ZNF804B: variants seen among roughly 807,000 people sequenced by gnomAD.
The protein encoded by ZNF804B is zinc finger protein 804B.
In ZNF804B, 80 loss-of-function variants were observed where a neutral mutation model predicts 101.4. The observed-to-expected ratio is 0.79, with a 90% CI of 0.66 to 0.95. The LOEUF (loss-of-function observed/expected upper bound fraction) is 0.95, where lower values mean the gene tolerates loss of function less well. Among genes scored for constraint, ZNF804B ranks in the 40% least tolerant of loss-of-function variants. ZNF804B has a pLI of 0.00. For synonymous variants in ZNF804B, 622 were observed against 558.8 expected, an observed-to-expected ratio of 1.11 and a Z score of -1.59; for missense variants, 1,673 against 1,561.9, an observed-to-expected ratio of 1.07 and a Z score of -1.20.
chr7:88,878,705 G>T (rs577266226), intron 1 of ZNF804B, among the ~76,000 whole-genome samples: 4 of 152,100 alleles, frequency 2.6e-5, no homozygotes, highest in Non-Finnish European at 5.9e-5. Flanking sequence ...GTACTTTTAT[G>T]CTGAAGGCTG....
rs190891830 is a variant in ZNF804B, at chr7:89,002,579, T to G, written c.109-215576T>G. ...TTATGTTATGAAAGGTGGCATTCTT[T>G]TTTATAACTACTAGAGAAGGGGGTG... On this transcript the variant is annotated intron_variant, in intron 1 of 3. Coordinates refer to ENST00000333190, the MANE Select transcript of ZNF804B (RefSeq NM_181646.5). Among the ~76,000 whole-genome samples, 398 of 152,006 alleles carry G rather than the reference T, an allele frequency of 2.6e-3. 1 individual carries two copies. Among genetic ancestry groups the G allele is most frequent in the African/African-American group, 9.2e-3 (381 of 41,544 alleles).
intron 1 of ZNF804B, among the ~76,000 whole-genome samples, chr7:88,908,079 A>T (rs1792498452): frequency 6.6e-6 from 1 of 151,802 alleles, no homozygotes; most frequent in Non-Finnish European, 1.5e-5. Flanking sequence ...GGTGAAAAAG[A>T]TATATTAGAC....
intron 1 of ZNF804B, among the ~76,000 whole-genome samples, chr7:89,204,659 A>T (rs1208588661): frequency 6.6e-6 from 1 of 152,180 alleles, no homozygotes; most frequent in Non-Finnish European, 1.5e-5. Flanking sequence ...GTTATTCTGC[A>T]TGCCTGCAGT....
chr7:88,910,787 G>T (rs959275221), intron 1 of ZNF804B, among the ~76,000 whole-genome samples: 3 of 151,856 alleles, frequency 2.0e-5, no homozygotes, highest in African/African-American at 7.2e-5. Flanking sequence ...AATCGTAAGG[G>T]AAGATGTTCT....
At chr7:88,822,977 G>A (rs1347004942) in intron 1 of ZNF804B, among the ~76,000 whole-genome samples, 2 of 152,136 alleles carry the variant, frequency 1.3e-5, no homozygotes, top group African/African-American at 4.8e-5. Context: ...TTGGGAGGCT[G>A]AGGCGGGTGT....
chr7:89,185,753 G>T (rs1004304207), intron 1 of ZNF804B, among the ~76,000 whole-genome samples: 3 of 151,982 alleles, frequency 2.0e-5, no homozygotes, highest in Non-Finnish European at 4.4e-5. Flanking sequence ...CCAGCTACTT[G>T]GGAAGCTGAA....
chr7:88,879,149 A>C (rs1242066358), intron 1 of ZNF804B, among the ~76,000 whole-genome samples: 1 of 152,190 alleles, frequency 6.6e-6, no homozygotes, highest in Non-Finnish European at 1.5e-5. Flanking sequence ...TTGTAGATTG[A>C]ATGTTAGCGT....
intron 1 of ZNF804B, among the ~76,000 whole-genome samples, chr7:88,767,818 T>G (rs959282855): frequency 2.0e-5 from 3 of 152,252 alleles, no homozygotes; most frequent in Non-Finnish European, 2.9e-5. Context: ...GACTATGACA[T>G]GTTCGCAGAT....
At chr7:89,215,261 T>G (rs1788872384) in intron 1 of ZNF804B, among the ~76,000 whole-genome samples, 2 of 152,206 alleles carry the variant, frequency 1.3e-5, no homozygotes, top group African/African-American at 4.8e-5. Flanking sequence ...AAGATGGTAT[T>G]AAACTTAAAT....
chr7:89,309,920 C>G (rs886203864), intron 2 of ZNF804B, among the ~76,000 whole-genome samples: 2 of 151,834 alleles, frequency 1.3e-5, no homozygotes, highest in African/African-American at 4.8e-5. Flanking sequence ...TCTCTCCTCA[C>G]GGACAAAACA....
chr7:89,245,548 T>C (rs1243756720), intron 2 of ZNF804B, among the ~76,000 whole-genome samples: 1 of 152,196 alleles, frequency 6.6e-6, no homozygotes, highest in Admixed American at 6.5e-5. Context: ...TTTTACATAC[T>C]TGGAAATTGT....
chr7:89,065,399 T>C (rs1035164564), intron 1 of ZNF804B, among the ~76,000 whole-genome samples: 8 of 152,188 alleles, frequency 5.3e-5, no homozygotes, highest in South Asian at 2.1e-4. Flanking sequence ...TCTCAGCCCA[T>C]AGGGCTTCTG....
intron 1 of ZNF804B, among the ~76,000 whole-genome samples, chr7:88,861,727 A>G (rs898131590): frequency 2.0e-5 from 3 of 152,172 alleles, no homozygotes; most frequent in Non-Finnish European, 4.4e-5. Context: ...GTTTCAGTGT[A>G]CTTTCAAAAT....
At chr7:88,934,740 A>G (rs1424010296) in intron 1 of ZNF804B, among the ~76,000 whole-genome samples, 1 of 151,972 alleles carries the variant, frequency 6.6e-6, no homozygotes, top group South Asian at 2.1e-4. Flanking sequence ...TAAAAAACCG[A>G]TAGATGTTGG....
chr7:89,284,795 A>G (rs754494323), intron 2 of ZNF804B, among the ~76,000 whole-genome samples: 8 of 152,086 alleles, frequency 5.3e-5, no homozygotes, highest in Admixed American at 2.0e-4. Flanking sequence ...CTAACAAAGG[A>G]TGGTGTGATA....
chr7:89,179,434 G>T (rs1004401509), intron 1 of ZNF804B, among the ~76,000 whole-genome samples: 1 of 151,778 alleles, frequency 6.6e-6, no homozygotes, highest in Non-Finnish European at 1.5e-5. Flanking sequence ...AGACTCTGAT[G>T]CATTCTTCAG....
At chr7:89,295,291 A>T (rs2115906841) in intron 2 of ZNF804B, among the ~76,000 whole-genome samples, 1 of 152,268 alleles carries the variant, frequency 6.6e-6, no homozygotes, top group South Asian at 2.1e-4. Flanking sequence ...ACTGCTGCCC[A>T]CTGCTCAGTA....
At chr7:88,978,586 C>T (rs1284087603) in intron 1 of ZNF804B, among the ~76,000 whole-genome samples, 1 of 151,160 alleles carries the variant, frequency 6.6e-6, no homozygotes, top group Non-Finnish European at 1.5e-5. Flanking sequence ...TATTTTCAGT[C>T]TATGTGTGTC....
At chr7:88,769,097 G>A (rs1400677852) in intron 1 of ZNF804B, among the ~76,000 whole-genome samples, 2 of 152,172 alleles carry the variant, frequency 1.3e-5, no homozygotes, top group African/African-American at 4.8e-5. Flanking sequence ...TGATGTTGTA[G>A]TGGGGGAAAA....
Sources: gnomAD v4.1 joint callset for allele counts (sites outside exome capture counted in the v4.1 genomes callset) on GRCh38, gnomAD v4.1.1 for gene constraint, MANE v1.5 for transcripts, NCBI Gene and HGNC (gene_info 2026-07-23, HGNC 2026-07-21) for gene names.